The following CACNA2D2 variants were observed in gnomAD, a reference collection of about 807,000 sequenced individuals.
The protein encoded by CACNA2D2 is calcium voltage-gated channel auxiliary subunit alpha2delta 2, also known as voltage-dependent calcium channel subunit alpha-2/delta-2.
In CACNA2D2, 48 loss-of-function variants were observed where a neutral mutation model predicts 166.4. That is an observed-to-expected ratio of 0.29 (90% CI 0.23 to 0.37). CACNA2D2 has a LOEUF of 0.37. Among genes scored for constraint, CACNA2D2 ranks in the 10% least tolerant of loss-of-function variants. The pLI is 1.00. For synonymous variants in CACNA2D2, 561 were observed against 573.7 expected, an observed-to-expected ratio of 0.98 and a Z score of 0.32; for missense variants, 1,122 against 1,433.0, an observed-to-expected ratio of 0.78 and a Z score of 3.50.
chr3:50,388,725 G>A (rs999865964), intron 4 of CACNA2D2, among the ~76,000 whole-genome samples: 1 of 152,346 alleles, frequency 6.6e-6, no homozygotes, highest in South Asian at 2.1e-4. Flanking sequence ...CCCCCAGGCA[G>A]GACTCTGGAA....
chr3:50,466,301 T>C (rs891495649), intron 2 of CACNA2D2, among the ~76,000 whole-genome samples: 4 of 151,800 alleles, frequency 2.6e-5, no homozygotes, highest in Non-Finnish European at 2.9e-5. Context: ...TGTGTGCTCC[T>C]CACCCACAAT....
rs1559984983 is a variant in CACNA2D2 at position 50,474,903 on chromosome 3, A to C, written c.288+1215T>G. On this transcript the variant is annotated intron_variant, in intron 2 of 37. Coordinates refer to ENST00000424201, the MANE Select transcript of CACNA2D2 (RefSeq NM_006030.4). Reference sequence around the variant, plus strand: ...GCTGAGTCATTCAGAGTTCACAGGAAGACAGTGTGATGGAGGCTGCTGACA... The same window carrying C: ...GCTGAGTCATTCAGAGTTCACAGGACGACAGTGTGATGGAGGCTGCTGACA... Among the ~76,000 whole-genome samples, 3 of 152,290 alleles carry C rather than the reference A, an allele frequency of 2.0e-5. No individual in the cohort carries two copies. The South Asian group carries it at 6.2e-4, about 32-fold the overall frequency.
chr3:50,479,449 G>C, intron 1 of CACNA2D2, among the ~76,000 whole-genome samples: 1 of 152,252 alleles, frequency 6.6e-6, no homozygotes. Context: ...GAGGCAATAT[G>C]TGTGTCTCAG....
intron 3 of CACNA2D2, among the ~76,000 whole-genome samples, chr3:50,412,894 G>C (rs1005682458): frequency 3.3e-5 from 5 of 152,196 alleles, no homozygotes; most frequent in Middle Eastern, 3.4e-3. Flanking sequence ...ATCTCAGCCT[G>C]GGGGGGTGCT....
chr3:50,473,098 C>T (rs985836774), intron 2 of CACNA2D2, among the ~76,000 whole-genome samples: 32 of 152,146 alleles, frequency 2.1e-4, no homozygotes, highest in African/African-American at 6.8e-4. Context: ...TACGTAAGCA[C>T]CAGGCCACAA....
At chr3:50,430,078 T>A (rs1288430887) in intron 3 of CACNA2D2, among the ~76,000 whole-genome samples, 16 of 152,156 alleles carry the variant, frequency 1.1e-4, no homozygotes, top group Admixed American at 1.0e-3. Flanking sequence ...AGGTGCTAGA[T>A]TCCTAGCGGG....
In CACNA2D2 at chr3:50,473,422, G is replaced by A. The variant is rs1464292010; in HGVS notation, c.288+2696C>T. Reference sequence around the variant, plus strand: ...ACGCAGGCTGGGCAGCCTTTGAGGGGAAGAAGGCCAAGGGGCCTGGATGCC... The same window carrying A: ...ACGCAGGCTGGGCAGCCTTTGAGGGAAAGAAGGCCAAGGGGCCTGGATGCC... On this transcript the variant is annotated intron_variant, in intron 2 of 37. Transcript: ENST00000424201. Among the ~76,000 whole-genome samples the A allele has an allele frequency of 5.9e-5, 9 of 152,358 alleles. No individual in the cohort carries two copies. In the East Asian group the frequency reaches 1.7e-3, roughly 29 times the overall value.
chr3:50,475,709 AC>A (rs1474026218), intron 2 of CACNA2D2, among the ~76,000 whole-genome samples: 1 of 151,966 alleles, frequency 6.6e-6, no homozygotes, highest in Non-Finnish European at 1.5e-5. Flanking sequence ...CACCTCAAGC[AC>A]CGCTTTCGGG....
At chr3:50,413,339 G>A (rs1707114741) in intron 3 of CACNA2D2, among the ~76,000 whole-genome samples, 1 of 151,798 alleles carries the variant, frequency 6.6e-6, no homozygotes, top group African/African-American at 2.4e-5. Flanking sequence ...CAGTGGGGGT[G>A]GTTTTCAGAG....
At chr3:50,483,598 C>T (rs1698153309) in intron 1 of CACNA2D2, among the ~76,000 whole-genome samples, 2 of 152,188 alleles carry the variant, frequency 1.3e-5, no homozygotes, top group African/African-American at 2.4e-5. Flanking sequence ...TTACTCATAG[C>T]AGCCTGCTGG....
intron 3 of CACNA2D2, among the ~76,000 whole-genome samples, chr3:50,433,819 C>T (rs1353594139): frequency 6.6e-6 from 1 of 152,180 alleles, no homozygotes; most frequent in Non-Finnish European, 1.5e-5. Flanking sequence ...AGCAGAGAAA[C>T]ATTCAAAGCC....
chr3:50,394,709 G>T (rs1030124420), intron 3 of CACNA2D2, among the ~76,000 whole-genome samples: 1 of 152,228 alleles, frequency 6.6e-6, no homozygotes, highest in Non-Finnish European at 1.5e-5. Context: ...TTTGGGGCTG[G>T]TTCCAGTGGC....
At chr3:50,460,420 CTTTT>C (rs780328445) in intron 2 of CACNA2D2, among the ~76,000 whole-genome samples, 122 of 152,014 alleles carry the variant, frequency 8.0e-4, no homozygotes, top group Non-Finnish European at 1.6e-3. Flanking sequence ...TAAAATTATT[CTTTT>C]TTTGTTTTTT....
At chr3:50,453,740 G>A (rs1196832437) in intron 2 of CACNA2D2, among the ~76,000 whole-genome samples, 1 of 152,226 alleles carries the variant, frequency 6.6e-6, no homozygotes, top group Non-Finnish European at 1.5e-5. Flanking sequence ...CTGGGAGCTT[G>A]GCGAGACGGG....
intron 3 of CACNA2D2, among the ~76,000 whole-genome samples, chr3:50,409,650 G>C (rs1404833782): frequency 3.3e-5 from 5 of 152,254 alleles, no homozygotes; most frequent in Non-Finnish European, 7.3e-5. Context: ...GAGTTCAGAG[G>C]TGGTTCCTCA....
intron 6 of CACNA2D2, among the ~76,000 whole-genome samples, chr3:50,383,576 T>TC (rs1705439096): frequency 6.6e-6 from 1 of 152,170 alleles, no homozygotes; most frequent in Non-Finnish European, 1.5e-5. Flanking sequence ...TGACCTCGTT[T>TC]CCCCATTGTG....
At chr3:50,497,257 G>C (rs1698761741) in intron 1 of CACNA2D2, among the ~76,000 whole-genome samples, 1 of 152,172 alleles carries the variant, frequency 6.6e-6, no homozygotes, top group Non-Finnish European at 1.5e-5. Context: ...GAAGGATCCT[G>C]GAAGAAAGGA....
chr3:50,366,655 C>T lies in CACNA2D2; in HGVS notation c.2590-30G>A, dbSNP rs200076365. On this transcript the variant is annotated intron_variant, in intron 29 of 37. Transcript: ENST00000424201. This position sits in a 1 kb window ranked among gnomAD's most constrained non-coding sequence, Gnocchi z 5.9. ...TGGGCAGAGAGTGAGGACCGTAAGCCACCCACCAGTTTTCCTCCCTCCCAT... is the reference window on the plus strand; with the variant it reads ...TGGGCAGAGAGTGAGGACCGTAAGCTACCCACCAGTTTTCCTCCCTCCCAT... 5.6e-6 allele frequency: 9 copies of T among 1,613,482 alleles called. No individual in the cohort carries two copies. The highest frequency in any genetic ancestry group is 7.6e-6 in the Non-Finnish European group (9 of 1,179,748).
At chr3:50,395,155 C>T (rs1040494387) in intron 3 of CACNA2D2, among the ~76,000 whole-genome samples, 4 of 152,186 alleles carry the variant, frequency 2.6e-5, no homozygotes, top group Non-Finnish European at 5.9e-5. Context: ...ATAATGACAA[C>T]CATCACTATC....
Sources: gnomAD v4.1 joint callset for allele counts (sites outside exome capture counted in the v4.1 genomes callset) on GRCh38, gnomAD v4.1.1 for gene constraint, Gnocchi (gnomAD v3.1) non-coding constraint, MANE v1.5 for transcripts, NCBI Gene and HGNC (gene_info 2026-07-23, HGNC 2026-07-21) for gene names.